Variants in NUBPL observed in about 807,000 individuals in gnomAD.
The protein encoded by NUBPL is iron-sulfur cluster transfer protein NUBPL.
In NUBPL, 31 loss-of-function variants were observed where a neutral mutation model predicts 45.7. The ratio of observed to expected loss-of-function variants is 0.68; its 90% confidence interval spans 0.51 to 0.92. The LOEUF (loss-of-function observed/expected upper bound fraction) is 0.92, where lower values mean the gene tolerates loss of function less well. NUBPL is among the 40% of genes least tolerant of loss of function. NUBPL has a pLI of 0.00. For missense variants in NUBPL, 401 were observed against 398.7 expected (o/e 1.01, Z -0.05); for synonymous variants, 144 against 140.9 (o/e 1.02, Z -0.15).
intron 4 of NUBPL, among the ~76,000 whole-genome samples, chr14:31,603,976 A>C (rs1393021479): frequency 6.6e-6 from 1 of 152,206 alleles, no homozygotes; most frequent in Non-Finnish European, 1.5e-5. Flanking sequence ...GCAGAACATG[A>C]GGAATGGCAA....
At chr14:31,635,890 TTGTC>T (rs1379457918) in intron 4 of NUBPL, among the ~76,000 whole-genome samples, 2 of 152,218 alleles carry the variant, frequency 1.3e-5, no homozygotes, top group Non-Finnish European at 2.9e-5. Flanking sequence ...GGCTCTCTGT[TTGTC>T]TGTTATTGGT....
intron 4 of NUBPL, among the ~76,000 whole-genome samples, chr14:31,660,068 G>C (rs2036232059): frequency 6.6e-6 from 1 of 152,070 alleles, no homozygotes; most frequent in East Asian, 1.9e-4. Flanking sequence ...ACAAAAACAT[G>C]ATTTTCTTCA....
rs543066367 is a variant in NUBPL, at chr14:31,808,308, GTT to G, written c.608-18319_608-18318del. Among the ~76,000 whole-genome samples the G allele has an allele frequency of 1.8e-3, 276 of 152,214 alleles. 1 individual carries two copies. The highest frequency in any genetic ancestry group is 6.3e-3 in the African/African-American group (262 of 41,532). On this transcript the variant is annotated intron_variant, in intron 7 of 10. Transcript: ENST00000281081. ...TCCTCTTTTATTTCATTGAGCAGTG[GTT>G]TGTAGTTCTCCTTGAAGAGGTCCTT... is the stretch of plus-strand genomic sequence containing the variant.
chr14:31,754,004 A>T (rs1249587767), intron 6 of NUBPL, among the ~76,000 whole-genome samples: 1 of 152,170 alleles, frequency 6.6e-6, no homozygotes, highest in African/African-American at 2.4e-5. Flanking sequence ...GAGATAATAG[A>T]TATATTAATT....
intron 6 of NUBPL, among the ~76,000 whole-genome samples, chr14:31,738,151 T>C (rs1243977489): frequency 6.6e-6 from 1 of 152,240 alleles, no homozygotes; most frequent in Non-Finnish European, 1.5e-5. Context: ...ACAAAGTATT[T>C]AATATGTTTA....
At chr14:31,799,668 T>C (rs2039546721) in intron 7 of NUBPL, among the ~76,000 whole-genome samples, 1 of 152,226 alleles carries the variant, frequency 6.6e-6, no homozygotes, top group South Asian at 2.1e-4. Context: ...TATACATTCC[T>C]TAAATATTTT....
chr14:31,700,264 A>T (rs749173540), intron 6 of NUBPL, among the ~76,000 whole-genome samples: 7 of 152,354 alleles, frequency 4.6e-5, no homozygotes, highest in Non-Finnish European at 1.0e-4. Flanking sequence ...AAAACCCAAC[A>T]GCTCTTTTCT....
rs199891804 is a variant in NUBPL, at chr14:31,850,872, C to T, written c.897+671C>T. ...TCCTGGACTCAAGTTATCCTCCCAT[C>T]TTGGCCTCCCAGCATGCTGAGATTA... On this transcript the variant is annotated intron_variant, in intron 10 of 10. Coordinates refer to ENST00000281081, the MANE Select transcript of NUBPL (RefSeq NM_025152.3). Among the ~76,000 whole-genome samples, 42 of 152,228 alleles carry T rather than the reference C, an allele frequency of 2.8e-4. No homozygotes were observed. The East Asian group carries it at 7.5e-3, about 27-fold the overall frequency.
intron 6 of NUBPL, among the ~76,000 whole-genome samples, chr14:31,758,804 GA>G: frequency 6.6e-6 from 1 of 152,066 alleles, no homozygotes; most frequent in East Asian, 1.9e-4. Context: ...AATGGTTATT[GA>G]ATAAAATGAT....
At chr14:31,712,620 C>T (rs1394881024) in intron 6 of NUBPL, among the ~76,000 whole-genome samples, 1 of 152,236 alleles carries the variant, frequency 6.6e-6, no homozygotes, top group Non-Finnish European at 1.5e-5. Flanking sequence ...TCGAGTGCAG[C>T]CAGAGAGGAT....
intron 4 of NUBPL, among the ~76,000 whole-genome samples, chr14:31,603,762 T>C (rs1276630335): frequency 6.6e-6 from 1 of 152,220 alleles, no homozygotes; most frequent in African/African-American, 2.4e-5. Flanking sequence ...ATTATTTTCT[T>C]GTTTCATGAA....
chr14:31,756,709 T>C (rs2038673457), intron 6 of NUBPL, among the ~76,000 whole-genome samples: 1 of 150,930 alleles, frequency 6.6e-6, no homozygotes, highest in African/African-American at 2.4e-5. Flanking sequence ...TCCTGCCTAA[T>C]TGCCCTGGCC....
At chr14:31,788,246 A>AGTAGTAGCAGCAAGGG (rs2039319758) in intron 7 of NUBPL, among the ~76,000 whole-genome samples, 1 of 152,172 alleles carries the variant, frequency 6.6e-6, no homozygotes, top group South Asian at 2.1e-4. Flanking sequence ...AGCAAGGGTT[A>AGTAGTAGCAGCAAGGG]AGTAGTAGCA....
At chr14:31,798,909 C>G (rs2039526135) in intron 7 of NUBPL, among the ~76,000 whole-genome samples, 1 of 151,556 alleles carries the variant, frequency 6.6e-6, no homozygotes, top group South Asian at 2.1e-4. Flanking sequence ...TTGCTTAACT[C>G]CACAGACTTG....
intron 7 of NUBPL, among the ~76,000 whole-genome samples, chr14:31,790,432 TGTG>T (rs1340684470): frequency 6.6e-6 from 1 of 152,166 alleles, no homozygotes; most frequent in South Asian, 2.1e-4. Context: ...TTTTTTTTGT[TGTG>T]GTGGTGAAAT....
chr14:31,720,679 A>C (rs1249440745), intron 6 of NUBPL, among the ~76,000 whole-genome samples: 1 of 152,216 alleles, frequency 6.6e-6, no homozygotes, highest in Non-Finnish European at 1.5e-5. Context: ...TGTCCAATAC[A>C]GTAACTACTA....
In NUBPL at chr14:31,859,174, A is replaced by G. The variant is rs748308626; in HGVS notation, c.954A>G (p.Ser318=). ...VEVVRRLPSP[S]E ...TGGTAAGAAGATTGCCATCACCTTC[A>G]GAATGATTCCCCAAGTGTCCTGGAA... The change falls in exon 11 of 11, where the codon TCA becomes TCG. Residue 318 remains serine (S), a synonymous_variant. Coordinates refer to ENST00000281081, the MANE Select transcript of NUBPL (RefSeq NM_025152.3). The G allele has an allele frequency of 4.3e-6, 7 of 1,613,646 alleles. No individual in the cohort carries two copies. Among genetic ancestry groups the G allele is most frequent in the Non-Finnish European group, 5.9e-6 (7 of 1,179,724 alleles).
chr14:31,668,905 TA>T (rs1166148539), intron 4 of NUBPL, among the ~76,000 whole-genome samples: 1 of 152,082 alleles, frequency 6.6e-6, no homozygotes, highest in African/African-American at 2.4e-5. Context: ...ATGAACTGTG[TA>T]TCTCAGTTGG....
At chr14:31,705,656 A>G in intron 6 of NUBPL, among the ~76,000 whole-genome samples, 1 of 152,248 alleles carries the variant, frequency 6.6e-6, no homozygotes, top group South Asian at 2.1e-4. Context: ...CAGAGTGCTG[A>G]TTGGTGCATT....
Sources: allele counts gnomAD v4.1 joint callset (sites outside exome capture counted in the v4.1 genomes callset), GRCh38; gene constraint gnomAD v4.1.1; transcripts MANE v1.5; gene names NCBI Gene and HGNC (gene_info 2026-07-23, HGNC 2026-07-21).